The following PLCL1 variants were observed in gnomAD, a reference collection of about 807,000 sequenced individuals.
PLCL1 encodes the protein phospholipase C like 1 (inactive).
A neutral mutation model predicts 84.4 loss-of-function variants in PLCL1; 41 were observed. The ratio of observed to expected loss-of-function variants is 0.49; its 90% CI spans 0.38 to 0.63. The LOEUF is 0.63. PLCL1 is among the 30% of genes least tolerant of loss of function. PLCL1 has a pLI of 0.00. For missense variants in PLCL1, 1,206 were observed against 1,367.8 expected, an observed-to-expected ratio of 0.88 and a Z score of 1.87; for synonymous variants, 490 against 488.3, an observed-to-expected ratio of 1.00 and a Z score of -0.05.
At chr2:198,083,210 A>G (rs888962916) in intron 1 of PLCL1, among the ~76,000 whole-genome samples, 7 of 152,168 alleles carry the variant, frequency 4.6e-5, no homozygotes, top group African/African-American at 1.7e-4. Context: ...GTGATTGGCT[A>G]TTGTTAGCTC....
At chr2:198,060,318 AT>A (rs1692162330) in intron 1 of PLCL1, among the ~76,000 whole-genome samples, 1 of 152,204 alleles carries the variant, frequency 6.6e-6, no homozygotes, top group South Asian at 2.1e-4. Flanking sequence ...TTATGATCTA[AT>A]TTTGATAGAG....
Position 197,897,664 on chromosome 2 carries a change from C to T in PLCL1, c.240+92325C>T, listed in dbSNP as rs192191688. On this transcript the variant is annotated intron_variant, in intron 1 of 5. Transcript: ENST00000428675. ...AATGCTGTAATTACTTGTTTAGTGACCAAAAACATAAAGATTGCTGGTTTC... is the reference window on the plus strand; with the variant it reads ...AATGCTGTAATTACTTGTTTAGTGATCAAAAACATAAAGATTGCTGGTTTC... 4.4e-3 allele frequency among the ~76,000 whole-genome samples: 665 copies of T among 151,946 alleles called. 5 individuals are homozygous for T. Among genetic ancestry groups the T allele is most frequent in the African/African-American group, 0.015 (637 of 41,408 alleles).
At chr2:198,047,174 TGTGTGTG>T (rs1691825459) in intron 1 of PLCL1, among the ~76,000 whole-genome samples, 2 of 150,628 alleles carry the variant, frequency 1.3e-5, no homozygotes, top group Non-Finnish European at 3.0e-5. Flanking sequence ...TATGTGTGTG[TGTGTGTG>T]TGTGTGTGTG....
At chr2:197,817,031 T>C (rs895681414) in intron 1 of PLCL1, among the ~76,000 whole-genome samples, 1 of 152,186 alleles carries the variant, frequency 6.6e-6, no homozygotes, top group Non-Finnish European at 1.5e-5. Flanking sequence ...GGCCAAATGG[T>C]ACCCATAAGT....
chr2:197,853,998 C>T (rs532303070), intron 1 of PLCL1, among the ~76,000 whole-genome samples: 3 of 152,236 alleles, frequency 2.0e-5, no homozygotes, highest in African/African-American at 7.2e-5. Flanking sequence ...ACCACCTCAC[C>T]TGCATCAGAA....
At chr2:198,020,830 A>G (rs1254875581) in intron 1 of PLCL1, among the ~76,000 whole-genome samples, 1 of 152,184 alleles carries the variant, frequency 6.6e-6, no homozygotes, top group Non-Finnish European at 1.5e-5. Flanking sequence ...CCAATATTCA[A>G]CTGATCAACG....
In PLCL1 at chr2:198,146,787, G is replaced by A. The variant is rs1248191847; in HGVS notation, c.3113G>A (p.Gly1038Glu). Reference protein sequence around the residue: ...AWNITVLKGQGDLLKNAKNEA... With the variant: ...AWNITVLKGQEDLLKNAKNEA... The stretch of plus-strand genomic sequence containing the variant: ...GTTTTTTTCTGTTTGTAGGGCCAAG[G>A]AGATCTGTTGAAGAATGCCAAGAAT... The change falls in exon 6 of 6, where the codon GGA becomes GAA. Residue 1038 changes from glycine (G) to glutamate (E), a missense_variant. By Grantham distance (98) the Gly-to-Glu change is moderately conservative (BLOSUM62 -2). Coordinates refer to ENST00000428675, the MANE Select transcript of PLCL1 (RefSeq NM_006226.4). 3 of 1,611,554 alleles carry A rather than the reference G, an allele frequency of 1.9e-6. No individual in the cohort carries two copies. Among genetic ancestry groups the A allele is most frequent in the African/African-American group, 2.7e-5 (2 of 74,830 alleles).
intron 1 of PLCL1, among the ~76,000 whole-genome samples, chr2:198,015,963 A>G (rs1199215781): frequency 6.6e-6 from 1 of 152,264 alleles, no homozygotes; most frequent in East Asian, 1.9e-4. Flanking sequence ...TGATCTTTCT[A>G]AATTACAATA....
At chr2:197,891,446 G>T (rs1688025380) in intron 1 of PLCL1, among the ~76,000 whole-genome samples, 1 of 152,172 alleles carries the variant, frequency 6.6e-6, no homozygotes, top group Non-Finnish European at 1.5e-5. Flanking sequence ...TGGTCCTGTT[G>T]TTGCAGGTGA....
intron 1 of PLCL1, among the ~76,000 whole-genome samples, chr2:197,830,843 C>T (rs1018317938): frequency 1.3e-5 from 2 of 152,138 alleles, no homozygotes; most frequent in African/African-American, 4.8e-5. Context: ...ACCATGCAAG[C>T]CAGAAGAGAG....
intron 3 of PLCL1, among the ~76,000 whole-genome samples, chr2:198,092,505 C>T (rs1200473148): frequency 6.6e-6 from 1 of 152,166 alleles, no homozygotes; most frequent in Non-Finnish European, 1.5e-5. Context: ...TCTCTTCTGG[C>T]TATTTTGCAA....
chr2:197,999,843 CGT>C (rs1217938050), intron 1 of PLCL1, among the ~76,000 whole-genome samples: 1 of 151,976 alleles, frequency 6.6e-6, no homozygotes, highest in Non-Finnish European at 1.5e-5. Flanking sequence ...ATATGTAATA[CGT>C]ATGTGTGTGT....
rs186077876 is a variant in PLCL1, at chr2:197,897,513, T to C, written c.240+92174T>C. ...ACTTCTAAAATCCTTAGTTTTCTTA[T>C]CTAAAATATCAGAATAATAAGGGTA... On this transcript the variant is annotated intron_variant, in intron 1 of 5. Coordinates refer to ENST00000428675, the MANE Select transcript of PLCL1 (RefSeq NM_006226.4). Among the ~76,000 whole-genome samples the C allele has an allele frequency of 3.2e-4, 49 of 152,258 alleles. No homozygotes were observed. In the East Asian group the frequency reaches 8.9e-3, roughly 28 times the overall value.
Position 197,906,484 on chromosome 2 carries a change from G to A in PLCL1, c.240+101145G>A, listed in dbSNP as rs1688384713. On this transcript the variant is annotated intron_variant, in intron 1 of 5. Coordinates refer to ENST00000428675, the MANE Select transcript of PLCL1 (RefSeq NM_006226.4). ...CTGTAGCCTTGTAGTATAGTTTGAAGTCAGGTAGCATGATGCCTCCAGCTT... is the reference window on the plus strand; with the variant it reads ...CTGTAGCCTTGTAGTATAGTTTGAAATCAGGTAGCATGATGCCTCCAGCTT... 5.9e-5 allele frequency among the ~76,000 whole-genome samples: 9 copies of A among 152,272 alleles called. No homozygotes were observed. In the South Asian group the frequency reaches 1.9e-3, roughly 32 times the overall value.
chr2:198,130,301 C>T (rs532377326), intron 5 of PLCL1, among the ~76,000 whole-genome samples: 22 of 152,274 alleles, frequency 1.4e-4, no homozygotes, highest in South Asian at 1.0e-3. Flanking sequence ...TTCCCAGAAT[C>T]GTTTGCAGGT....
At chr2:198,104,020 A>G in intron 5 of PLCL1, 84 bp downstream of exon 5, 4 of 619,194 alleles carry the variant, frequency 6.5e-6, no homozygotes, top group Non-Finnish European at 1.1e-5. Context: ...TAAAGGATTA[A>G]ATATGATGGT....
chr2:197,880,432 G>GA (rs1234111670), intron 1 of PLCL1, among the ~76,000 whole-genome samples: 2 of 152,170 alleles, frequency 1.3e-5, no homozygotes, highest in East Asian at 3.9e-4. Flanking sequence ...ATTTTTATGT[G>GA]AAAAGTAAAA....
At chr2:198,078,034 C>T (rs1692622299) in intron 1 of PLCL1, among the ~76,000 whole-genome samples, 1 of 152,142 alleles carries the variant, frequency 6.6e-6, no homozygotes, top group Non-Finnish European at 1.5e-5. Context: ...ATACCTTCAT[C>T]CTTTTTATTA....
chr2:198,052,574 G>C (rs1691964753), intron 1 of PLCL1, among the ~76,000 whole-genome samples: 1 of 151,558 alleles, frequency 6.6e-6, no homozygotes, highest in South Asian at 2.1e-4. Context: ...AATTTTGGAA[G>C]CATTATTTCA....
Sources: allele counts gnomAD v4.1 joint callset (sites outside exome capture counted in the v4.1 genomes callset), GRCh38; gene constraint gnomAD v4.1.1; transcripts MANE v1.5; gene names NCBI Gene and HGNC (gene_info 2026-07-23, HGNC 2026-07-21).